NCK1: variants seen among roughly 807,000 people sequenced by gnomAD.
The protein encoded by NCK1 is SH2/SH3 adapter protein NCK1.
A neutral mutation model predicts 36.6 loss-of-function variants in NCK1; 19 were observed. The ratio of observed to expected loss-of-function variants is 0.52; its 90% CI spans 0.36 to 0.76. NCK1 has a LOEUF of 0.76. Ranked by LOEUF, NCK1 falls within the 30% of genes least tolerant of loss-of-function variation. NCK1 has a pLI of 0.00. For synonymous variants in NCK1, 165 were observed against 156.0 expected, an observed-to-expected ratio of 1.06 and a Z score of -0.43; for missense variants, 358 against 445.6, an observed-to-expected ratio of 0.80 and a Z score of 1.77.
chr3:136,906,697 G>A (rs547003855), intron 1 of NCK1, among the ~76,000 whole-genome samples: 1 of 152,304 alleles, frequency 6.6e-6, no homozygotes, highest in East Asian at 1.9e-4. Flanking sequence ...TAGGACCCAA[G>A]CTGTCTGTGC....
intron 1 of NCK1, among the ~76,000 whole-genome samples, chr3:136,864,533 G>A (rs929835699): frequency 2.7e-5 from 4 of 150,830 alleles, no homozygotes; most frequent in Admixed American, 1.3e-4. Context: ...TATGTGTAAT[G>A]TTTTGTTAGA....
chr3:136,862,869 C>A (rs1680032522), intron 1 of NCK1, among the ~76,000 whole-genome samples: 2 of 138,614 alleles, frequency 1.4e-5, no homozygotes, highest in African/African-American at 5.2e-5. Context: ...CCTCCCCCCA[C>A]CCACCGGCCG....
intron 2 of NCK1, among the ~76,000 whole-genome samples, chr3:136,934,339 G>A (rs183296075): frequency 2.6e-5 from 4 of 152,074 alleles, no homozygotes; most frequent in Admixed American, 2.6e-4. Context: ...AGGTTGGAGT[G>A]CAGTGGTGTG....
chr3:136,907,210 T>A (rs527564874), intron 1 of NCK1, among the ~76,000 whole-genome samples: 23 of 152,286 alleles, frequency 1.5e-4, no homozygotes, highest in Admixed American at 9.2e-4. Context: ...CGGGTCCCCC[T>A]CTGCTGCAGT....
At chr3:136,867,304 TC>T (rs1477640834) in intron 1 of NCK1, 3 of 151,152 alleles carry the variant, frequency 2.0e-5, no homozygotes, top group Non-Finnish European at 2.9e-5. Context: ...AGGATCTCGC[TC>T]TGTTGCTCAG....
chr3:136,932,604 A>G (rs1349407530), intron 2 of NCK1, among the ~76,000 whole-genome samples: 1 of 152,234 alleles, frequency 6.6e-6, no homozygotes, highest in African/African-American at 2.4e-5. Flanking sequence ...GTTCCCAGAC[A>G]TATCACTTAC....
Position 136,946,001 on chromosome 3 carries a change from T to G in NCK1, c.645T>G (p.Asp215Glu). 6.2e-7 allele frequency: 1 copy of G among 1,613,994 alleles called. No homozygotes were observed. Among genetic ancestry groups the G allele is most frequent in the Middle Eastern group, 1.6e-4 (1 of 6,062 alleles). Residue 215 changes from aspartate (D) to glutamate (E), a missense_variant, in exon 3 of 4, where the codon GAT becomes GAG. Around this residue, in one of 3 missense-constraint regions of NCK1, gnomAD observed 207 missense variants for 253.4 expected, o/e 0.82. Transcript: ENST00000481752. ...NDEELNFEKG[D>E]VMDVIEKPEN... ...AAGAACTTAATTTCGAGAAAGGAGA[T>G]GTAATGGATGTTATTGAAAAACCTG... is the stretch of plus-strand genomic sequence containing the variant.
At chr3:136,915,082 C>G (rs1939924171) in intron 1 of NCK1, among the ~76,000 whole-genome samples, 1 of 152,130 alleles carries the variant, frequency 6.6e-6, no homozygotes, top group Non-Finnish European at 1.5e-5. Flanking sequence ...AACTTTCTAG[C>G]CATGAGAATT....
intron 1 of NCK1, among the ~76,000 whole-genome samples, chr3:136,874,930 T>A (rs887653398): frequency 6.6e-6 from 1 of 152,234 alleles, no homozygotes; most frequent in Admixed American, 6.5e-5. Context: ...TTGAGAAGTC[T>A]GAAGACATTC....
chr3:136,906,851 A>G (rs928943403), intron 1 of NCK1, among the ~76,000 whole-genome samples: 1 of 152,102 alleles, frequency 6.6e-6, no homozygotes, highest in South Asian at 2.1e-4. Flanking sequence ...TTAGGTGCCA[A>G]CAGTGGTGGT....
chr3:136,914,064 A>C (rs1939896954), intron 1 of NCK1, among the ~76,000 whole-genome samples: 1 of 152,360 alleles, frequency 6.6e-6, no homozygotes, highest in Non-Finnish European at 1.5e-5. Context: ...TGAAGAAATA[A>C]AAATAAAAGG....
chr3:136,946,180 G>C lies in NCK1; in HGVS notation c.824G>C (p.Gly275Ala). 1 of 1,613,556 alleles carries C rather than the reference G, an allele frequency of 6.2e-7. No individual in the cohort carries two copies. Among genetic ancestry groups the C allele is most frequent in the Non-Finnish European group, 8.5e-7 (1 of 1,179,890 alleles). The change falls in exon 3 of 4, where the codon GGA (glycine) becomes GCA (alanine). Residue 275 changes from glycine (G) to alanine (A), a missense_variant. By Grantham distance (60) the Gly-to-Ala change is moderately conservative (BLOSUM62 0). This residue lies in a region of NCK1 where 207 missense variants were observed against 253.4 expected (regional missense o/e 0.82). Transcript: ENST00000481752. ...QCDYIRPSLT[G>A]KFAGNPWYYG... ...GATTACATTAGGCCTTCACTCACTG[G>C]AAAGTTTGCTGGCAATCCTTGGTAT...
intron 1 of NCK1, among the ~76,000 whole-genome samples, chr3:136,879,939 T>TTAATGTAAATGACAAGTTGATGGGTGCAG (rs1938881178): frequency 6.8e-6 from 1 of 146,026 alleles, no homozygotes; most frequent in African/African-American, 2.6e-5. Context: ...CGTGTATACC[T>TTAATGTAAATGACAAGTTGATGGGTGCAG]CTAACAAACC....
At chr3:136,928,273 C>G in intron 2 of NCK1, 46 bp downstream of exon 2, 1 of 1,505,670 alleles carries the variant, frequency 6.6e-7, no homozygotes, top group Non-Finnish European at 9.0e-7. Context: ...TAAATGAAAC[C>G]TGCAACTTAG....
intron 1 of NCK1, among the ~76,000 whole-genome samples, chr3:136,896,792 C>T (rs1317086958): frequency 1.3e-5 from 2 of 151,864 alleles, no homozygotes; most frequent in Non-Finnish European, 2.9e-5. Flanking sequence ...TAGCACTGTG[C>T]CTGGCCCCAT....
chr3:136,870,591 A>G (rs1938585025), intron 1 of NCK1, among the ~76,000 whole-genome samples: 1 of 151,166 alleles, frequency 6.6e-6, no homozygotes, highest in South Asian at 2.1e-4. Context: ...AGAAACATTT[A>G]GAATATTTAG....
At position 136,948,491 on chromosome 3, in the gene NCK1, T is replaced by A. The variant is rs750381343; in HGVS notation, c.*38T>A. On this transcript the variant is annotated 3_prime_UTR_variant, in exon 4 of 4. Coordinates refer to ENST00000481752, the MANE Select transcript of NCK1 (RefSeq NM_001291999.2). The stretch of plus-strand genomic sequence containing the variant: ...GAAGTGACTGCTGTGTAGCTGTAAT[T>A]TGTCATGTAATTGAAGACTGAGAAA... The A allele has an allele frequency of 6.4e-7, 1 of 1,557,454 alleles. No individual in the cohort carries two copies. Among genetic ancestry groups the A allele is most frequent in the Non-Finnish European group, 8.8e-7 (1 of 1,141,734 alleles).
At chr3:136,888,563 C>T (rs1040166311) in intron 1 of NCK1, among the ~76,000 whole-genome samples, 1 of 150,554 alleles carries the variant, frequency 6.6e-6, no homozygotes, top group African/African-American at 2.4e-5. Context: ...CCACCATGCC[C>T]GGCTAATTTT....
At chr3:136,869,702 A>G (rs1938551195) in intron 1 of NCK1, among the ~76,000 whole-genome samples, 2 of 152,364 alleles carry the variant, frequency 1.3e-5, no homozygotes, top group South Asian at 4.1e-4. Context: ...TGTGTACGTA[A>G]CAATAGTTGA....
Sources: gnomAD v4.1 joint callset for allele counts (sites outside exome capture counted in the v4.1 genomes callset) on GRCh38, gnomAD v4.1.1 for gene constraint, gnomAD v4.1.1 regional missense constraint, MANE v1.5 for transcripts, NCBI Gene and HGNC (gene_info 2026-07-23, HGNC 2026-07-21) for gene names.